NKD1: variants seen among roughly 807,000 people sequenced by gnomAD.
NKD1 encodes NKD inhibitor of Wnt signaling pathway 1.
Under a neutral mutation model 56.0 loss-of-function variants are expected in NKD1, and 21 were observed. The ratio of observed to expected loss-of-function variants is 0.38; its 90% CI spans 0.27 to 0.54. The LOEUF is 0.54. Among genes scored for constraint, NKD1 ranks in the 20% least tolerant of loss-of-function variants. The pLI is 0.82. For missense variants in NKD1, 578 were observed against 642.7 expected (o/e 0.90, Z 1.09); for synonymous variants, 263 against 265.7 (o/e 0.99, Z 0.10).
In NKD1 at chr16:50,638,784, G is replaced by A. The variant is rs1962521988; in HGVS notation, c.*5003G>A. 1 of 152,220 alleles carries A rather than the reference G, an allele frequency of 6.6e-6. No homozygotes were observed. Among genetic ancestry groups the A allele is most frequent in the Non-Finnish European group, 1.5e-5 (1 of 68,066 alleles). The allele number at this position is 152,220 out of a possible 1,614,324, so 9.4% of individuals were successfully genotyped here. Reference sequence around the variant, plus strand: ...CAGCATGAGAAGGGGGAATAGGTGAGACCCATTTGCCAGTAGCAGACGGGG... The same window carrying A: ...CAGCATGAGAAGGGGGAATAGGTGAAACCCATTTGCCAGTAGCAGACGGGG... On this transcript the variant is annotated 3_prime_UTR_variant, in exon 10 of 10. Transcript: ENST00000268459.
intron 3 of NKD1, among the ~76,000 whole-genome samples, chr16:50,565,710 G>A (rs1960744692): frequency 6.6e-6 from 1 of 152,206 alleles, no homozygotes; most frequent in Non-Finnish European, 1.5e-5. Flanking sequence ...AATGAAAAGT[G>A]ATACAGACCT....
At chr16:50,568,308 C>T (rs1013643767) in intron 3 of NKD1, among the ~76,000 whole-genome samples, 1 of 152,162 alleles carries the variant, frequency 6.6e-6, no homozygotes, top group Non-Finnish European at 1.5e-5. Context: ...AAACCAGGAC[C>T]GCATATCAGA....
chr16:50,613,501 G>C (rs983339884), intron 4 of NKD1: 7 of 152,226 alleles, frequency 4.6e-5, no homozygotes, highest in Middle Eastern at 3.4e-3. Context: ...GTCCTGTCGG[G>C]GGGTGTCAGC....
Position 50,597,814 on chromosome 16 carries a change from G to A in NKD1, c.193-10480G>A, listed in dbSNP as rs112622292. ...TCATTTTATAGATGTGGCCACTGAGGCTTTCGATCACAGCCCTGGCAGCAT... is the reference window on the plus strand; with the variant it reads ...TCATTTTATAGATGTGGCCACTGAGACTTTCGATCACAGCCCTGGCAGCAT... On this transcript the variant is annotated intron_variant, in intron 3 of 9. Coordinates refer to ENST00000268459, the MANE Select transcript of NKD1 (RefSeq NM_033119.5). 3.6e-3 allele frequency among the ~76,000 whole-genome samples: 542 copies of A among 152,286 alleles called. 7 individuals are homozygous for A. The highest frequency in any genetic ancestry group is 0.012 in the African/African-American group (491 of 41,546).
At chr16:50,610,463 C>A (rs999025029) in intron 4 of NKD1, among the ~76,000 whole-genome samples, 1 of 152,174 alleles carries the variant, frequency 6.6e-6, no homozygotes, top group Non-Finnish European at 1.5e-5. Flanking sequence ...TAGGCCACCG[C>A]GTGGCCAGGT....
intron 6 of NKD1, among the ~76,000 whole-genome samples, chr16:50,627,773 T>C (rs1198202814): frequency 6.6e-6 from 1 of 152,184 alleles, no homozygotes; most frequent in Non-Finnish European, 1.5e-5. Context: ...GTGAGGTTGA[T>C]TTTCAAGCTA....
chr16:50,572,162 T>G (rs1035743331), intron 3 of NKD1, among the ~76,000 whole-genome samples: 2 of 152,214 alleles, frequency 1.3e-5, no homozygotes, highest in South Asian at 4.1e-4. Flanking sequence ...TCTGCCTCCT[T>G]GGAATGCTCA....
rs562572755 is a variant in NKD1, at chr16:50,626,757, G to T, written c.462+1177G>T. Among the ~76,000 whole-genome samples the T allele has an allele frequency of 2.8e-4, 43 of 152,242 alleles. No homozygotes were observed. In the South Asian group the frequency reaches 7.7e-3, roughly 27 times the overall value. On this transcript the variant is annotated intron_variant, in intron 6 of 9. Coordinates refer to ENST00000268459, the MANE Select transcript of NKD1 (RefSeq NM_033119.5). ...CTCCCCTGTCCCTCTCTGATGACCT[G>T]TCCCTCCCCGAGAGGACCCCATCTT... is the stretch of plus-strand genomic sequence containing the variant.
chr16:50,562,327 G>T (rs1960651908), intron 3 of NKD1: 11 of 956,820 alleles, frequency 1.1e-5, no homozygotes, highest in Admixed American at 6.2e-5. Flanking sequence ...CAGGTGCATA[G>T]AGAAAGATCT....
intron 6 of NKD1, 42 bp downstream of exon 6, chr16:50,625,622 C>A: frequency 7.8e-7 from 1 of 1,281,874 alleles, no homozygotes; most frequent in Non-Finnish European, 1.1e-6. Context: ...ATCATACCCG[C>A]AGGCACAGGG....
chr16:50,549,454 C>G lies in NKD1; in HGVS notation c.91C>G (p.Arg31Gly), dbSNP rs375889973. The change falls in exon 3 of 10, where the codon CGG becomes GGG. Residue 31 changes from arginine (R) to glycine (G), a missense_variant. Coordinates refer to ENST00000268459, the MANE Select transcript of NKD1 (RefSeq NM_033119.5). Reference sequence around the variant, plus strand: ...CTTCGCCGTGAGCGCTGCCTGGGCTCGGAAGGGCATCGAGGAGTGGATCGG... The same window carrying G: ...CTTCGCCGTGAGCGCTGCCTGGGCTGGGAAGGGCATCGAGGAGTGGATCGG... ...DSFAVSAAWA[R>G]KGIEEWIGRQ... is the part of the protein sequence containing the mutation. 3.1e-6 allele frequency: 5 copies of G among 1,611,278 alleles called. No individual in the cohort carries two copies. Among genetic ancestry groups the G allele is most frequent in the Non-Finnish European group, 3.4e-6 (4 of 1,178,904 alleles).
chr16:50,562,992 C>CG (rs1294361174), intron 3 of NKD1, among the ~76,000 whole-genome samples: 1 of 128,676 alleles, frequency 7.8e-6, no homozygotes, highest in Non-Finnish European at 1.6e-5. Flanking sequence ...CACCACCCCC[C>CG]CCCCCCGCCG....
intron 3 of NKD1, among the ~76,000 whole-genome samples, chr16:50,552,685 A>G (rs1429422550): frequency 6.6e-6 from 1 of 152,262 alleles, no homozygotes; most frequent in African/African-American, 2.4e-5. Context: ...AAATGGGTGT[A>G]ATAATATTTT....
rs964855404 is a variant in NKD1, at chr16:50,640,350, A to C, written c.*6569A>C. The stretch of plus-strand genomic sequence containing the variant: ...TTCTTTTCTAGGTATTTCTGATTGC[A>C]AAATTCTGGATGGGTTCATCCAAGC... On this transcript the variant is annotated 3_prime_UTR_variant, in exon 10 of 10. Transcript: ENST00000268459. 1.3e-5 allele frequency: 2 copies of C among 152,238 alleles called. No individual in the cohort carries two copies. The highest frequency in any genetic ancestry group is 2.9e-5 in the Non-Finnish European group (2 of 68,070). The allele number at this position is 152,238 out of a possible 1,614,324, so 9.4% of individuals were successfully genotyped here.
At chr16:50,575,456 C>A (rs1295332376) in intron 3 of NKD1, 3 of 583,172 alleles carry the variant, frequency 5.1e-6, no homozygotes, top group East Asian at 1.4e-4. Flanking sequence ...ATTTGAAGAG[C>A]CCCTTTGACA....
Position 50,588,684 on chromosome 16 carries a change from C to T in NKD1, c.193-19610C>T, listed in dbSNP as rs139395194. Among the ~76,000 whole-genome samples the T allele has an allele frequency of 1.4e-3, 199 of 144,370 alleles. 3 individuals carry two copies. The highest frequency in any genetic ancestry group is 4.4e-3 in the African/African-American group (174 of 39,314). The allele number at this position is 144,370 out of a possible 152,430, so 94.7% of individuals were successfully genotyped here. A position where few individuals can be genotyped will look rare whatever the true frequency, so the allele number is the denominator to read the frequency against. On this transcript the variant is annotated intron_variant, in intron 3 of 9. Coordinates refer to ENST00000268459, the MANE Select transcript of NKD1 (RefSeq NM_033119.5). ...GTGGTGTGATCTCGGTTCACTGCAA[C>T]CTCCACCTCCTGGGTTCAAGAGAGT...
chr16:50,566,575 A>G (rs1960764181), intron 3 of NKD1, among the ~76,000 whole-genome samples: 1 of 152,180 alleles, frequency 6.6e-6, no homozygotes, highest in East Asian at 1.9e-4. Context: ...TGAGAAACTG[A>G]CTTGAGAGGA....
intron 3 of NKD1, among the ~76,000 whole-genome samples, chr16:50,593,814 A>T (rs1000215670): frequency 6.6e-6 from 1 of 152,222 alleles, no homozygotes; most frequent in Non-Finnish European, 1.5e-5. Context: ...CTTATGCTAC[A>T]CAGTGATCTG....
chr16:50,611,625 C>T (rs1961849850), intron 4 of NKD1, among the ~76,000 whole-genome samples: 1 of 152,188 alleles, frequency 6.6e-6, no homozygotes. Flanking sequence ...GGCTGAGCAG[C>T]ACTCGGGGAG....
Sources: allele counts gnomAD v4.1 joint callset (sites outside exome capture counted in the v4.1 genomes callset), GRCh38; gene constraint gnomAD v4.1.1; transcripts MANE v1.5; gene names NCBI Gene and HGNC (gene_info 2026-07-23, HGNC 2026-07-21).